Variants in KCNN4 observed in about 807,000 individuals in gnomAD.
The protein encoded by KCNN4 is potassium calcium-activated channel subfamily N member 4.
KCNN4 carries 31 observed loss-of-function variants against 45.2 expected under a neutral mutation model. That is an observed-to-expected ratio of 0.69 (90% CI 0.52 to 0.92). KCNN4 has a LOEUF of 0.92. Among genes scored for constraint, KCNN4 ranks in the 40% least tolerant of loss-of-function variants. KCNN4 has a pLI of 0.00. For missense variants in KCNN4, 463 were observed against 574.0 expected (o/e 0.81, Z 1.98); for synonymous variants, 231 against 254.6 (o/e 0.91, Z 0.88).
rs1969685891 is a variant in KCNN4, at chr19:43,772,985, A to T, written c.684-850T>A. Among the ~76,000 whole-genome samples, 1 of 152,240 alleles carries T rather than the reference A, an allele frequency of 6.6e-6. No homozygotes were observed. The highest frequency in any genetic ancestry group is 1.5e-5 in the Non-Finnish European group (1 of 68,040). ...GATTCTGACCAATTTCCCAATTGTGAAAACTAAGATCCTGGAAGGTGAAGG... is the reference window on the plus strand; with the variant it reads ...GATTCTGACCAATTTCCCAATTGTGTAAACTAAGATCCTGGAAGGTGAAGG... On this transcript the variant is annotated intron_variant, in intron 3 of 8. Coordinates refer to ENST00000648319, the MANE Select transcript of KCNN4 (RefSeq NM_002250.3). The surrounding 1 kb of genome is among the most constrained non-coding windows in gnomAD (Gnocchi z 4.4).
intron 2 of KCNN4, among the ~76,000 whole-genome samples, chr19:43,775,123 T>G (rs1348360312): frequency 6.6e-6 from 1 of 152,190 alleles, no homozygotes; most frequent in East Asian, 1.9e-4. Flanking sequence ...GTCAAGAGTT[T>G]GAGACAAGCC....
At chr19:43,775,337 AAACAAT>A (rs917810018) in intron 2 of KCNN4, among the ~76,000 whole-genome samples, 2 of 152,172 alleles carry the variant, frequency 1.3e-5, no homozygotes, top group Non-Finnish European at 2.9e-5. Flanking sequence ...AAAATAAACA[AAACAAT>A]AACAATAACA....
Position 43,769,503 on chromosome 19 carries a change from G to T in KCNN4, c.988C>A (p.Arg330Ser). Residue 330 changes from arginine (R) to serine (S), a missense_variant, in exon 6 of 9, where the codon CGC (arginine) becomes AGC (serine). Physicochemically the swap from Arg to Ser is moderately radical, Grantham distance 110 (BLOSUM62 -1). This residue lies in a region of KCNN4 where 129 missense variants were observed against 149.4 expected (regional missense o/e 0.86). Transcript: ENST00000648319. The surrounding 1 kb of genome is among the most constrained non-coding windows in gnomAD (Gnocchi z 4.4). ...CGGGCAGCATGAGACTCCTTCCTGC[G>T]AGTATGTTTGTAGAACATCCAGGCT... The part of the protein sequence containing the change: ...QEAWMFYKHT[R>S]RKESHAARRH... 6.2e-7 allele frequency: 1 copy of T among 1,614,186 alleles called. No individual in the cohort carries two copies. The highest frequency in any genetic ancestry group is 8.5e-7 in the Non-Finnish European group (1 of 1,180,040).
Position 43,767,714 on chromosome 19 carries a change from G to A in KCNN4, c.1120-7C>T, listed in dbSNP as rs376585088. The A allele has an allele frequency of 3.1e-6, 5 of 1,613,994 alleles. No individual in the cohort carries two copies. The African/African-American group carries it at 4.0e-5, about 13-fold the overall frequency. On this transcript the variant is annotated splice_region_variant and splice_polypyrimidine_tract_variant and intron_variant, in intron 7 of 8. Coordinates refer to ENST00000648319, the MANE Select transcript of KCNN4 (RefSeq NM_002250.3). ...CATACAGGATCATGTGCATCTGGGT[G>A]GGAGGAGAGGATCAGAGGTGTCGGG...
intron 8 of KCNN4, 43 bp from the exon 9 acceptor site, chr19:43,767,132 G>A (rs1362554421): frequency 4.8e-6 from 1 of 207,272 alleles, no homozygotes; most frequent in Non-Finnish European, 1.0e-5. Flanking sequence ...GCCAGGAAGA[G>A]GGAGAGTGAG....
At chr19:43,773,249 A>T (rs1019368064) in intron 3 of KCNN4, among the ~76,000 whole-genome samples, 3 of 152,250 alleles carry the variant, frequency 2.0e-5, no homozygotes, top group African/African-American at 7.2e-5. Context: ...GGGAGCAGAG[A>T]TTGTGCCACT....
intron 3 of KCNN4, among the ~76,000 whole-genome samples, chr19:43,773,681 C>G (rs1255885248): frequency 6.6e-6 from 1 of 152,210 alleles, no homozygotes; most frequent in Non-Finnish European, 1.5e-5. Context: ...TCGGGTTACA[C>G]AGTATCTAGC....
rs1302093212 is a variant in KCNN4 at position 43,767,516 on chromosome 19, C to G, written c.*3+24G>C. 3 of 1,607,626 alleles carry G rather than the reference C, an allele frequency of 1.9e-6. No individual in the cohort carries two copies. In the African/African-American group the frequency reaches 4.0e-5, roughly 21 times the overall value. On this transcript the variant is annotated intron_variant, in intron 8 of 8. Coordinates refer to ENST00000648319, the MANE Select transcript of KCNN4 (RefSeq NM_002250.3). ...GGAACCCTTCCTCCAGGATGCCTTC[C>G]TGCCCAAGTCCCAGCCCCCTCACCA...
At chr19:43,775,828 G>A (rs1001019085) in intron 2 of KCNN4, among the ~76,000 whole-genome samples, 1 of 151,890 alleles carries the variant, frequency 6.6e-6, no homozygotes, top group African/African-American at 2.4e-5. Flanking sequence ...GATTAGGAGT[G>A]GGCACCCCTG....
At chr19:43,773,084 A>C (rs1969688876) in intron 3 of KCNN4, among the ~76,000 whole-genome samples, 1 of 152,242 alleles carries the variant, frequency 6.6e-6, no homozygotes, top group East Asian at 1.9e-4. Context: ...GGATCACTTG[A>C]AATCAAGAGT....
intron 7 of KCNN4, 24 bp downstream of exon 7, chr19:43,768,939 C>T: frequency 6.2e-7 from 1 of 1,613,526 alleles, no homozygotes; most frequent in Admixed American, 1.7e-5. Flanking sequence ...TTCTTCAAGA[C>T]CTCCTCCCAC....
In KCNN4 at chr19:43,769,848, C is replaced by A; in HGVS notation, c.820-19G>T. 1 of 1,582,018 alleles carries A rather than the reference C, an allele frequency of 6.3e-7. No individual in the cohort carries two copies. Among genetic ancestry groups the A allele is most frequent in the South Asian group, 1.1e-5 (1 of 89,754 alleles). ...AGACACCCTGTGGGCACAGCAGGCA[C>A]CGTGGCATGAGGCTGTGCCACCGAC... On this transcript the variant is annotated intron_variant, in intron 4 of 8. Coordinates refer to ENST00000648319, the MANE Select transcript of KCNN4 (RefSeq NM_002250.3). The surrounding 1 kb of genome is among the most constrained non-coding windows in gnomAD (Gnocchi z 4.4).
chr19:43,770,747 G>A (rs1969620902), intron 4 of KCNN4, among the ~76,000 whole-genome samples: 1 of 152,206 alleles, frequency 6.6e-6, no homozygotes, highest in Admixed American at 6.5e-5. Context: ...CTGGCACAGA[G>A]TATGTGCTCC....
Position 43,774,699 on chromosome 19 carries a change from C to A in KCNN4, c.256-80G>T. ...GGCGGCGGCCCGCGCCTGCCTGCGC[C>A]CTGAGATAAGTGGGGTGTGCCGCCT... On this transcript the variant is annotated intron_variant, in intron 2 of 8. Transcript: ENST00000648319. This position sits in a 1 kb window ranked among gnomAD's most constrained non-coding sequence, Gnocchi z 5.6. The A allele has an allele frequency of 7.7e-7, 1 of 1,291,350 alleles. No individual in the cohort carries two copies. Among genetic ancestry groups the A allele is most frequent in the Non-Finnish European group, 1.0e-6 (1 of 983,660 alleles). The allele number at this position is 1,291,350 out of a possible 1,614,324, so 80.0% of individuals were successfully genotyped here. A position where few individuals can be genotyped will look rare whatever the true frequency, so the allele number is the denominator to read the frequency against.
At chr19:43,773,253 T>C (rs116878540) in intron 3 of KCNN4, among the ~76,000 whole-genome samples, 2,648 of 152,328 alleles carry the variant, frequency 0.017, 40 homozygotes, top group Middle Eastern at 0.031. Context: ...GCAGAGATTG[T>C]GCCACTGCAC....
chr19:43,770,831 A>G (rs888821615), intron 4 of KCNN4, among the ~76,000 whole-genome samples: 8 of 152,206 alleles, frequency 5.3e-5, no homozygotes, highest in African/African-American at 1.9e-4. Context: ...GCTCAAGTGC[A>G]CATCACCCTA....
In KCNN4 at chr19:43,768,977, C is replaced by T; in HGVS notation, c.1105G>A (p.Val369Met). The T allele has an allele frequency of 1.2e-6, 2 of 1,614,068 alleles. No individual in the cohort carries two copies. The highest frequency in any genetic ancestry group is 1.7e-6 in the Non-Finnish European group (2 of 1,179,954). The change falls in exon 7 of 9, where the codon GTG becomes ATG. Residue 369 changes from valine to methionine, a missense_variant. By Grantham distance (21) the Val-to-Met change is conservative. Around this residue, in one of 3 missense-constraint regions of KCNN4, gnomAD observed 129 missense variants for 149.4 expected, o/e 0.86. Coordinates refer to ENST00000648319, the MANE Select transcript of KCNN4 (RefSeq NM_002250.3). ...RKLREQVNSM[V>M]DISKMHMILY... The stretch of plus-strand genomic sequence containing the variant: ...GATCCTAGTACCTTGGAGATGTCCA[C>T]CATGGAGTTCACTTGTTCCCGGAGC...
At chr19:43,768,401 G>T (rs909885461) in intron 7 of KCNN4, among the ~76,000 whole-genome samples, 1 of 152,212 alleles carries the variant, frequency 6.6e-6, no homozygotes, top group African/African-American at 2.4e-5. Flanking sequence ...TGACATCATT[G>T]TCCCTAAGCA....
In KCNN4 at chr19:43,774,265, G is replaced by A. The variant is rs769884214; in HGVS notation, c.610C>T (p.Pro204Ser). 6.2e-7 allele frequency: 1 copy of A among 1,612,936 alleles called. No homozygotes were observed. Among genetic ancestry groups the A allele is most frequent in the South Asian group, 1.1e-5 (1 of 90,822 alleles). Reference protein sequence around the residue: ...FVAKLYMNTHPGRLLLGLTLG... With the variant: ...FVAKLYMNTHSGRLLLGLTLG... ...GTGAGGCCGAGCAGCAGGCGGCCAG[G>A]GTGCGTGTTCATGTAAAGCTTGGCC... Residue 204 changes from proline (P) to serine (S), a missense_variant, in exon 3 of 9, where the codon CCT (proline) becomes TCT (serine). Pro to Ser is a moderately conservative substitution (Grantham distance 74). Around this residue, in one of 3 missense-constraint regions of KCNN4, gnomAD observed 109 missense variants for 183.7 expected, o/e 0.59. Coordinates refer to ENST00000648319, the MANE Select transcript of KCNN4 (RefSeq NM_002250.3). This position sits in a 1 kb window ranked among gnomAD's most constrained non-coding sequence, Gnocchi z 5.6.
Sources: gnomAD v4.1 joint callset for allele counts (sites outside exome capture counted in the v4.1 genomes callset) on GRCh38, gnomAD v4.1.1 for gene constraint, gnomAD v4.1.1 regional missense constraint, Gnocchi (gnomAD v3.1) non-coding constraint, MANE v1.5 for transcripts, NCBI Gene and HGNC (gene_info 2026-07-23, HGNC 2026-07-21) for gene names.